Variants in ZZEF1 observed in about 807,000 individuals in gnomAD.
ZZEF1 encodes zinc finger ZZ-type and EF-hand domain containing 1.
Under a neutral mutation model 342.8 loss-of-function variants are expected in ZZEF1, and 157 were observed. The ratio of observed to expected loss-of-function variants is 0.46; its 90% confidence interval spans 0.40 to 0.52. The LOEUF is 0.52. ZZEF1 is among the 20% of genes least tolerant of loss of function. The probability of loss-of-function intolerance (pLI) is 0.00; values close to 1 mark genes in which losing one functional copy is unlikely to be tolerated. For missense variants in ZZEF1, 3,480 were observed against 3,725.6 expected (o/e 0.93, Z 1.72); for synonymous variants, 1,505 against 1,429.1 (o/e 1.05, Z -1.20).
chr17:4,114,087 T>C lies in ZZEF1; in HGVS notation c.866+212A>G, dbSNP rs117351369. 7.3e-3 allele frequency among the ~76,000 whole-genome samples: 1,107 copies of C among 152,340 alleles called. 5 individuals carry two copies. Among genetic ancestry groups the C allele is most frequent in the Middle Eastern group, 0.014 (4 of 294 alleles). The stretch of plus-strand genomic sequence containing the variant: ...GTGAAAAAAGATATGAAATCAGTAC[T>C]AATCTAAAATTAATCAAATGTTATT... On this transcript the variant is annotated intron_variant, in intron 4 of 54. Coordinates refer to ENST00000381638, the MANE Select transcript of ZZEF1 (RefSeq NM_015113.4).
At chr17:4,067,941 A>G (rs2057433330) in intron 26 of ZZEF1, among the ~76,000 whole-genome samples, 1 of 152,080 alleles carries the variant, frequency 6.6e-6, no homozygotes, top group Non-Finnish European at 1.5e-5. Context: ...GTCCAGGCAC[A>G]CCGGCATGCA....
intron 46 of ZZEF1, 46 bp from the exon 47 acceptor site, chr17:4,018,017 C>A: frequency 6.2e-7 from 1 of 1,600,920 alleles, no homozygotes; most frequent in Non-Finnish European, 8.5e-7. Flanking sequence ...TGTAGACAGG[C>A]CAGTTTTAAC....
At position 4,054,211 on chromosome 17, in the gene ZZEF1, T is replaced by G. The variant is rs184727903; in HGVS notation, c.5296-16A>C. ...ACATGTGCATCTGTAAGGCCAAACA[T>G]ATACAATTAACTGATAGATTTTCTA... On this transcript the variant is annotated splice_polypyrimidine_tract_variant and intron_variant, in intron 33 of 54. Transcript: ENST00000381638. 18 of 1,606,058 alleles carry G rather than the reference T, an allele frequency of 1.1e-5. No homozygotes were observed. The highest frequency in any genetic ancestry group is 1.5e-5 in the Non-Finnish European group (18 of 1,175,418).
intron 26 of ZZEF1, 86 bp downstream of exon 26, chr17:4,070,598 A>T (rs891035275): frequency 4.2e-6 from 6 of 1,419,106 alleles, no homozygotes; most frequent in Non-Finnish European, 3.8e-6. Flanking sequence ...ATATTTTAAA[A>T]TATTTTAAAT....
rs575230688 is a variant in ZZEF1, at chr17:4,105,785, T to C, written c.1302A>G (p.Pro434=). 5.6e-6 allele frequency: 9 copies of C among 1,611,698 alleles called. No individual in the cohort carries two copies. Among genetic ancestry groups the C allele is most frequent in the African/African-American group, 1.3e-5 (1 of 74,758 alleles). ...CTGTAGATCCTGGTGAGAGAGAGAGTGGAGGCATGTGCCGCAGCGCCTTCC... is the reference window on the plus strand; with the variant it reads ...CTGTAGATCCTGGTGAGAGAGAGAGCGGAGGCATGTGCCGCAGCGCCTTCC... The part of the protein sequence containing the change: ...NTQKALRHMP[P]LSLSPGSTDF... The change falls in exon 7 of 55, where the codon CCA becomes CCG. Residue 434 remains proline (P), a synonymous_variant. Transcript: ENST00000381638.
intron 30 of ZZEF1, among the ~76,000 whole-genome samples, chr17:4,059,879 A>G (rs1227131434): frequency 6.6e-6 from 1 of 152,186 alleles, no homozygotes; most frequent in Non-Finnish European, 1.5e-5. Flanking sequence ...CTGATGCCAG[A>G]GCACCCTACT....
chr17:4,128,265 T>C (rs1430281095), intron 1 of ZZEF1, among the ~76,000 whole-genome samples: 1 of 146,698 alleles, frequency 6.8e-6, no homozygotes, highest in East Asian at 2.1e-4. Context: ...CAAGAATCGC[T>C]TGAAGCCAGG....
Position 4,034,307 on chromosome 17 carries a change from A to G in ZZEF1, c.6307-15T>C. 1 of 1,613,562 alleles carries G rather than the reference A, an allele frequency of 6.2e-7. No individual in the cohort carries two copies. Among genetic ancestry groups the G allele is most frequent in the South Asian group, 1.1e-5 (1 of 91,064 alleles). On this transcript the variant is annotated splice_polypyrimidine_tract_variant and intron_variant, in intron 39 of 54. Transcript: ENST00000381638. ...ACCGTGGGGCCCTGCCAAGAGAGGG[A>G]GAGAAATCTGTTCAGTACAAAATCC...
intron 8 of ZZEF1, among the ~76,000 whole-genome samples, chr17:4,103,516 C>T (rs745413835): frequency 1.3e-5 from 2 of 151,904 alleles, no homozygotes; most frequent in African/African-American, 2.4e-5. Context: ...CAGTGCACTC[C>T]AACCTGGATG....
chr17:4,032,424 C>A (rs1456817414), intron 41 of ZZEF1, among the ~76,000 whole-genome samples, 166 bp from the exon 42 acceptor site: 2 of 152,190 alleles, frequency 1.3e-5, no homozygotes, highest in Non-Finnish European at 2.9e-5. Context: ...CAGGCTGGCA[C>A]AGAATTGGTT....
intron 10 of ZZEF1, among the ~76,000 whole-genome samples, chr17:4,096,242 A>C (rs957715396): frequency 3.3e-5 from 5 of 152,212 alleles, no homozygotes; most frequent in African/African-American, 1.2e-4. Context: ...GGCCTGACAC[A>C]GAGTAAATCA....
At chr17:4,037,722 T>A (rs2056705265) in intron 39 of ZZEF1, among the ~76,000 whole-genome samples, 2 of 152,340 alleles carry the variant, frequency 1.3e-5, no homozygotes, top group South Asian at 4.1e-4. Context: ...TAGCTGAGAC[T>A]ATAGGTGTGT....
At chr17:4,024,818 T>C (rs2056366054) in intron 43 of ZZEF1, 101 bp downstream of exon 43, 2 of 1,150,062 alleles carry the variant, frequency 1.7e-6, no homozygotes, top group Non-Finnish European at 2.6e-6. Flanking sequence ...TCCTATGGTT[T>C]ACCATCCATC....
At chr17:4,117,681 T>C (rs1050147770) in intron 2 of ZZEF1, among the ~76,000 whole-genome samples, 1 of 148,872 alleles carries the variant, frequency 6.7e-6, no homozygotes, top group Non-Finnish European at 1.5e-5. Context: ...ATTAATTTAA[T>C]TTTAGTTGAA....
At position 4,022,717 on chromosome 17, in the gene ZZEF1, C is replaced by G. The variant is rs1422701242; in HGVS notation, c.7204G>C (p.Asp2402His). The G allele has an allele frequency of 5.0e-6, 8 of 1,613,788 alleles. No individual in the cohort carries two copies. The highest frequency in any genetic ancestry group is 6.8e-6 in the Non-Finnish European group (8 of 1,179,962). The change falls in exon 44 of 55, where the codon GAC becomes CAC. Residue 2402 changes from aspartate to histidine, a missense_variant. Around this residue, in one of 5 missense-constraint regions of ZZEF1, gnomAD observed 1,269 missense variants for 1,342.4 expected, o/e 0.95. Coordinates refer to ENST00000381638, the MANE Select transcript of ZZEF1 (RefSeq NM_015113.4). Reference protein sequence around the residue: ...TGFSKTWLLRDLEILSIMLYS... With the variant: ...TGFSKTWLLRHLEILSIMLYS... ...TCCCTCTCGTCTCTTACTTCCAGGT[C>G]CCGGAGGAGCCACGTTTTACTAAAG...
intron 34 of ZZEF1, among the ~76,000 whole-genome samples, chr17:4,052,978 G>A (rs2057082859): frequency 6.6e-6 from 1 of 152,266 alleles, no homozygotes; most frequent in South Asian, 2.1e-4. Context: ...AGGCCCTTGG[G>A]CCCTTCTCAC....
chr17:4,124,609 A>ATTTTT (rs34282931), intron 1 of ZZEF1, among the ~76,000 whole-genome samples: 8 of 126,790 alleles, frequency 6.3e-5, no homozygotes, highest in African/African-American at 1.1e-4. Context: ...CGCCAAGCTG[A>ATTTTT]TTTTTTTTTT....
In ZZEF1 at chr17:4,004,996, G is replaced by C. The variant is rs1216391418; in HGVS notation, c.*1894C>G. 6.6e-6 allele frequency: 1 copy of C among 152,362 alleles called. No individual in the cohort carries two copies. Among genetic ancestry groups the C allele is most frequent in the Non-Finnish European group, 1.5e-5 (1 of 68,128 alleles). The allele number at this position is 152,362 out of a possible 1,614,324, so 9.4% of individuals were successfully genotyped here. A position where few individuals can be genotyped will look rare whatever the true frequency, so the allele number is the denominator to read the frequency against. On this transcript the variant is annotated 3_prime_UTR_variant, in exon 55 of 55. Transcript: ENST00000381638. ...GACGGGAGGATGGAGTACAGCGGCG[G>C]CCACTGCCATAGGGGAGGTGACTCC...
At chr17:4,063,242 A>G (rs1227225620) in intron 29 of ZZEF1, among the ~76,000 whole-genome samples, 1 of 152,220 alleles carries the variant, frequency 6.6e-6, no homozygotes, top group Non-Finnish European at 1.5e-5. Flanking sequence ...CACTAACTTA[A>G]ACATGCAATA....
Sources: allele counts gnomAD v4.1 joint callset (sites outside exome capture counted in the v4.1 genomes callset), GRCh38; gene constraint gnomAD v4.1.1; regional missense constraint gnomAD v4.1.1; transcripts MANE v1.5; gene names NCBI Gene and HGNC (gene_info 2026-07-23, HGNC 2026-07-21).